The following CLASP1 variants were observed in gnomAD, a reference collection of about 807,000 sequenced individuals.
The protein encoded by CLASP1 is CLIP-associating protein 1.
A neutral mutation model predicts 192.3 loss-of-function variants in CLASP1; 38 were observed. The ratio of observed to expected loss-of-function variants is 0.20; its 90% confidence interval spans 0.15 to 0.26. The LOEUF (loss-of-function observed/expected upper bound fraction) is 0.26. Among genes scored for constraint, CLASP1 ranks in the 10% least tolerant of loss-of-function variants. The pLI, the probability that CLASP1 is intolerant of heterozygous loss-of-function variation, is 1.00. For synonymous variants in CLASP1, 691 were observed against 712.8 expected (o/e 0.97, Z 0.49); for missense variants, 1,433 against 1,932.5 (o/e 0.74, Z 4.85).
At chr2:121,568,329 G>A (rs982227545) in intron 2 of CLASP1, among the ~76,000 whole-genome samples, 3 of 152,058 alleles carry the variant, frequency 2.0e-5, no homozygotes, top group African/African-American at 7.2e-5. Context: ...CTGGACCAGA[G>A]AGGGGTGGTC....
intron 7 of CLASP1, chr2:121,505,159 T>G (rs1334543483): frequency 6.6e-6 from 1 of 152,230 alleles, no homozygotes; most frequent in Non-Finnish European, 1.5e-5. Flanking sequence ...GTCTGCAAGT[T>G]AGAGCCAAGG....
intron 30 of CLASP1, among the ~76,000 whole-genome samples, chr2:121,395,376 G>T (rs1246845451): frequency 6.6e-6 from 1 of 152,140 alleles, no homozygotes; most frequent in Non-Finnish European, 1.5e-5. Flanking sequence ...AATATCATTT[G>T]AAATGAAATA....
intron 8 of CLASP1, among the ~76,000 whole-genome samples, chr2:121,474,805 G>T (rs555692219): frequency 6.6e-6 from 1 of 152,294 alleles, no homozygotes; most frequent in Non-Finnish European, 1.5e-5. Context: ...CGAACTTTAG[G>T]AGGCTGCTTG....
chr2:121,463,189 C>A (rs1197921811), intron 9 of CLASP1, among the ~76,000 whole-genome samples: 10 of 152,142 alleles, frequency 6.6e-5, no homozygotes, highest in African/African-American at 2.4e-4. Flanking sequence ...GAAAGTATTT[C>A]TTTTTGCTAA....
chr2:121,427,487 A>G, intron 20 of CLASP1, 57 bp from the exon 21 acceptor site: 1 of 1,578,326 alleles, frequency 6.3e-7, no homozygotes, highest in Non-Finnish European at 8.7e-7. Flanking sequence ...AGACAATAAC[A>G]CAATACAGAA....
intron 32 of CLASP1, among the ~76,000 whole-genome samples, chr2:121,386,586 T>A (rs1448440587): frequency 2.0e-5 from 3 of 152,248 alleles, no homozygotes; most frequent in African/African-American, 7.2e-5. Context: ...GGCCAATATT[T>A]GCACGGTCCC....
chr2:121,467,245 T>C (rs998969449), intron 9 of CLASP1, among the ~76,000 whole-genome samples: 2 of 152,210 alleles, frequency 1.3e-5, no homozygotes, highest in African/African-American at 2.4e-5. Context: ...ATCTTTGCTA[T>C]TGTGAATAGT....
intron 6 of CLASP1, among the ~76,000 whole-genome samples, chr2:121,521,234 A>G (rs1413839959): frequency 6.6e-6 from 1 of 152,148 alleles, no homozygotes; most frequent in Non-Finnish European, 1.5e-5. Flanking sequence ...AATGGGGTGG[A>G]GGAGGGGAAG....
At chr2:121,513,628 T>C (rs2094203970) in intron 7 of CLASP1, among the ~76,000 whole-genome samples, 2 of 152,152 alleles carry the variant, frequency 1.3e-5, no homozygotes, top group Non-Finnish European at 2.9e-5. Context: ...AGCACAATCA[T>C]AGTCACAGCT....
intron 8 of CLASP1, among the ~76,000 whole-genome samples, chr2:121,495,457 TCGAGA>T (rs576157356): frequency 2.2e-3 from 333 of 151,982 alleles, no homozygotes; most frequent in Non-Finnish European, 3.5e-3. Context: ...AGTCAAGATT[TCGAGA>T]CCAGCCTGAC....
rs201144972 is a variant in CLASP1, at chr2:121,396,044, CAG to C, written c.3123+1094_3123+1095del. Among the ~76,000 whole-genome samples the C allele has an allele frequency of 4.6e-3, 706 of 152,310 alleles. 4 individuals are homozygous for C. Among genetic ancestry groups the C allele is most frequent in the Middle Eastern group, 0.024 (7 of 294 alleles). ...AAAGGAACCCCAATCGAAAAAACAA[CAG>C]AGTGTCTACGCTCTGCCCTATATCA... On this transcript the variant is annotated intron_variant, in intron 30 of 39. Transcript: ENST00000263710.
At chr2:121,531,055 G>T (rs575741414) in intron 2 of CLASP1, 5 of 696,720 alleles carry the variant, frequency 7.2e-6, no homozygotes, top group African/African-American at 7.0e-5. Flanking sequence ...GCAGTAATTC[G>T]TAAATAAACT....
intron 8 of CLASP1, among the ~76,000 whole-genome samples, chr2:121,478,850 ACACAC>A (rs2092175745): frequency 3.2e-5 from 3 of 92,528 alleles, no homozygotes; most frequent in South Asian, 4.4e-4. Flanking sequence ...CACACACACC[ACACAC>A]CACACCACAC....
chr2:121,624,196 T>C (rs568623353), intron 1 of CLASP1, among the ~76,000 whole-genome samples: 110 of 152,334 alleles, frequency 7.2e-4, no homozygotes, highest in African/African-American at 2.6e-3. Context: ...TAGTGTATTC[T>C]TCTTTCATTA....
intron 36 of CLASP1, chr2:121,363,992 A>T (rs1558881910): frequency 6.6e-6 from 1 of 152,210 alleles, no homozygotes. Context: ...TGTCTTCTAC[A>T]TGACATCACT....
chr2:121,470,450 A>ATCAT (rs1386158901), intron 8 of CLASP1, among the ~76,000 whole-genome samples: 1 of 151,960 alleles, frequency 6.6e-6, no homozygotes, highest in Admixed American at 6.6e-5. Flanking sequence ...GAGAGTATAT[A>ATCAT]TCATATTGGA....
rs143068233 is a variant in CLASP1, at chr2:121,618,111, C to T, written c.-285-11931G>A. On this transcript the variant is annotated intron_variant, in intron 1 of 39. Coordinates refer to ENST00000263710, the Ensembl canonical transcript of CLASP1. Reference sequence around the variant, plus strand: ...GCATGCTGTTCTCTACTTTCAAGCACTTAAGGTGCAATTCTACCACGTATT... The same window carrying T: ...GCATGCTGTTCTCTACTTTCAAGCATTTAAGGTGCAATTCTACCACGTATT... Among the ~76,000 whole-genome samples, 7 of 152,328 alleles carry T rather than the reference C, an allele frequency of 4.6e-5. No individual in the cohort carries two copies. The East Asian group carries it at 1.3e-3, about 29-fold the overall frequency.
At chr2:121,479,058 A>C (rs752350762) in intron 8 of CLASP1, among the ~76,000 whole-genome samples, 3,747 of 61,140 alleles carry the variant, frequency 0.061, 376 homozygotes, top group African/African-American at 0.082. Flanking sequence ...CCCCCCCCCC[A>C]CACACACACA....
chr2:121,411,126 T>A (rs529627541), intron 23 of CLASP1, among the ~76,000 whole-genome samples, 157 bp from the exon 25 acceptor site: 1 of 152,262 alleles, frequency 6.6e-6, no homozygotes, highest in East Asian at 1.9e-4. Flanking sequence ...TGGTAGAGGT[T>A]AAGCTGTTCA....
Sources: allele counts gnomAD v4.1 joint callset (sites outside exome capture counted in the v4.1 genomes callset), GRCh38; gene constraint gnomAD v4.1.1; transcripts MANE v1.5; gene names NCBI Gene and HGNC (gene_info 2026-07-23, HGNC 2026-07-21).